Variants in SMARCA2 observed in about 807,000 individuals in gnomAD.
SMARCA2 encodes SWI/SNF related BAF chromatin remodeling complex subunit ATPase 2.
Under a neutral mutation model 199.8 loss-of-function variants are expected in SMARCA2, and 61 were observed. That is an observed-to-expected ratio of 0.31 (90% CI 0.25 to 0.38). The LOEUF is 0.38. SMARCA2 is among the 10% of genes least tolerant of loss of function. The pLI, the probability that SMARCA2 is intolerant of heterozygous loss-of-function variation, is 1.00. For synonymous variants in SMARCA2, 935 were observed against 732.0 expected (o/e 1.28, Z -4.48); for missense variants, 1,344 against 2,012.2 (o/e 0.67, Z 6.35).
intron 27 of SMARCA2, chr9:2,157,683 G>C (rs1282981379): frequency 7.9e-6 from 3 of 380,958 alleles, no homozygotes; most frequent in South Asian, 1.5e-4. Flanking sequence ...TGGTGGACTT[G>C]GAGAGGCGGA....
chr9:2,188,266 G>A (rs1827630978), intron 32 of SMARCA2, among the ~76,000 whole-genome samples: 2 of 152,062 alleles, frequency 1.3e-5, no homozygotes, highest in East Asian at 1.9e-4. Context: ...TAATCAGGCT[G>A]TTTCCCAATA....
At chr9:2,101,545 T>G (rs10738570) in intron 21 of SMARCA2, 25 bp from the exon 22 acceptor site, 30 of 1,317,420 alleles carry the variant, frequency 2.3e-5, no homozygotes, top group East Asian at 2.4e-5. Context: ...TTTAAAATCA[T>G]TCTTTCTATC....
chr9:2,175,411 AATGC>A (rs1826515020), intron 29 of SMARCA2, among the ~76,000 whole-genome samples: 1 of 152,060 alleles, frequency 6.6e-6, no homozygotes, highest in South Asian at 2.1e-4. Context: ...ATCCTGAAGA[AATGC>A]ATAGAAACTG....
At chr9:2,083,108 ATTC>A (rs1821640488) in intron 15 of SMARCA2, among the ~76,000 whole-genome samples, 1 of 151,870 alleles carries the variant, frequency 6.6e-6, no homozygotes, top group African/African-American at 2.4e-5. Context: ...ATATTTATGT[ATTC>A]TTTAGTTTTT....
At position 2,119,575 on chromosome 9, in the gene SMARCA2, C is replaced by A. The variant is rs370927830; in HGVS notation, c.3762+40C>A. ...AATCATGAACACAAATGCTTTATAC[C>A]TCTGCCCCTTTTTCTGTTAAGCAGA... On this transcript the variant is annotated intron_variant, in intron 26 of 33. Coordinates refer to ENST00000349721, the MANE Select transcript of SMARCA2 (RefSeq NM_003070.5). The surrounding 1 kb of genome is among the most constrained non-coding windows in gnomAD (Gnocchi z 4.6). 2 of 1,356,630 alleles carry A rather than the reference C, an allele frequency of 1.5e-6. No homozygotes were observed. Among genetic ancestry groups the A allele is most frequent in the Non-Finnish European group, 2.1e-6 (2 of 947,330 alleles). 84.0% of individuals were successfully genotyped at this position (1,356,630 alleles called of 1,614,324 possible).
At chr9:2,168,653 A>C (rs1375160876) in intron 28 of SMARCA2, among the ~76,000 whole-genome samples, 1 of 152,232 alleles carries the variant, frequency 6.6e-6, no homozygotes, top group Non-Finnish European at 1.5e-5. Context: ...ACTGGCATTC[A>C]TACTGTCTTT....
At chr9:2,094,432 G>A (rs1822185956) in intron 19 of SMARCA2, among the ~76,000 whole-genome samples, 1 of 152,174 alleles carries the variant, frequency 6.6e-6, no homozygotes, top group South Asian at 2.1e-4. Flanking sequence ...TGACTCATAG[G>A]AAGGTGCTTG....
intron 18 of SMARCA2, among the ~76,000 whole-genome samples, chr9:2,087,828 A>G (rs961494064): frequency 2.0e-5 from 3 of 152,232 alleles, no homozygotes; most frequent in Non-Finnish European, 1.5e-5. Context: ...ACATGGGCCC[A>G]TCCTCAGTAG....
chr9:2,098,435 A>C (rs1822364504), intron 21 of SMARCA2, among the ~76,000 whole-genome samples: 1 of 152,210 alleles, frequency 6.6e-6, no homozygotes, highest in African/African-American at 2.4e-5. Context: ...ATGGCACACC[A>C]TATCCACATG....
chr9:2,063,563 C>G (rs1279112365), intron 9 of SMARCA2, among the ~76,000 whole-genome samples: 1 of 152,130 alleles, frequency 6.6e-6, no homozygotes, highest in Non-Finnish European at 1.5e-5. Flanking sequence ...TTGAGAAAAC[C>G]TACTTTACTC....
intron 9 of SMARCA2, among the ~76,000 whole-genome samples, chr9:2,062,844 G>C (rs1460748929): frequency 6.6e-6 from 1 of 152,160 alleles, no homozygotes; most frequent in African/African-American, 2.4e-5. Flanking sequence ...GGGAGAGAAA[G>C]AGAGGCTAGA....
chr9:2,089,995 T>A (rs1821982842), intron 19 of SMARCA2, among the ~76,000 whole-genome samples: 2 of 152,224 alleles, frequency 1.3e-5, no homozygotes. Context: ...TTCATTCACT[T>A]CTAAGACTGG....
At chr9:2,153,058 A>G (rs960440233) in intron 27 of SMARCA2, among the ~76,000 whole-genome samples, 1 of 152,044 alleles carries the variant, frequency 6.6e-6, no homozygotes, top group Non-Finnish European at 1.5e-5. Flanking sequence ...GCAAAAACAA[A>G]CAAACAACCA....
rs1821682167 is a variant in SMARCA2 at position 2,083,951 on chromosome 9, A to G, written c.2416-135A>G. ...TTTAGCCAAAACTTCCTCGTGTATAATAGATCAGTCTATGAGAATGTGTGT... is the reference window on the plus strand; with the variant it reads ...TTTAGCCAAAACTTCCTCGTGTATAGTAGATCAGTCTATGAGAATGTGTGT... On this transcript the variant is annotated intron_variant, in intron 16 of 33. Coordinates refer to ENST00000349721, the MANE Select transcript of SMARCA2 (RefSeq NM_003070.5). 7 of 576,616 alleles carry G rather than the reference A, an allele frequency of 1.2e-5. No individual in the cohort carries two copies. The South Asian group carries it at 1.3e-4, about 10-fold the overall frequency. 35.7% of individuals were successfully genotyped at this position (576,616 alleles called of 1,614,324 possible).
At chr9:2,088,742 C>G (rs1185297578) in intron 19 of SMARCA2, 129 bp downstream of exon 19, 1 of 682,518 alleles carries the variant, frequency 1.5e-6, no homozygotes, top group Non-Finnish European at 2.5e-6. Flanking sequence ...TTGAAAATAT[C>G]TTAAATTGTT....
intron 3 of SMARCA2, among the ~76,000 whole-genome samples, chr9:2,037,675 C>G (rs182438793): frequency 6.6e-6 from 1 of 152,116 alleles, no homozygotes. Flanking sequence ...TTCTTAGGTT[C>G]GGGCATGCAG....
chr9:2,117,730 A>C (rs1823273302), intron 25 of SMARCA2, among the ~76,000 whole-genome samples: 1 of 152,210 alleles, frequency 6.6e-6, no homozygotes, highest in African/African-American at 2.4e-5. Flanking sequence ...GAGGGCTGCC[A>C]GGTGGGGCCT....
In SMARCA2 at chr9:2,086,671, G is replaced by T. The variant is rs185404643; in HGVS notation, c.2527-158G>T. Among the ~76,000 whole-genome samples the T allele has an allele frequency of 2.0e-5, 3 of 152,156 alleles. No homozygotes were observed. The highest frequency in any genetic ancestry group is 6.5e-5 in the Admixed American group (1 of 15,278). On this transcript the variant is annotated intron_variant, in intron 17 of 33. Coordinates refer to ENST00000349721, the MANE Select transcript of SMARCA2 (RefSeq NM_003070.5). This position sits in a 1 kb window ranked among gnomAD's most constrained non-coding sequence, Gnocchi z 4.3. ...TAGGATGTCTTATGCGGCCTATCAG[G>T]CATGAGACATTGTTGAGATTCCCTT...
At position 2,016,670 on chromosome 9, in the gene SMARCA2, G is replaced by C. The variant is rs1563706731; in HGVS notation, c.-37+1266G>C. On this transcript the variant is annotated intron_variant, in intron 1 of 33. Transcript: ENST00000349721. This position sits in a 1 kb window ranked among gnomAD's most constrained non-coding sequence, Gnocchi z 5.6. Reference sequence around the variant, plus strand: ...GAAGGGGAAGGGCTGCGGTGGGGAGGGAATAGGGGGGTGGCGAGGGCGGGA... The same window carrying C: ...GAAGGGGAAGGGCTGCGGTGGGGAGCGAATAGGGGGGTGGCGAGGGCGGGA... 7.1e-6 allele frequency among the ~76,000 whole-genome samples: 1 copy of C among 140,756 alleles called. No individual in the cohort carries two copies. Among genetic ancestry groups the C allele is most frequent in the South Asian group, 2.6e-4 (1 of 3,806 alleles). The allele number at this position is 140,756 out of a possible 152,430, so 92.3% of individuals were successfully genotyped here.
Sources: allele counts gnomAD v4.1 joint callset (sites outside exome capture counted in the v4.1 genomes callset), GRCh38; gene constraint gnomAD v4.1.1; non-coding constraint Gnocchi (gnomAD v3.1); transcripts MANE v1.5; gene names NCBI Gene and HGNC (gene_info 2026-07-23, HGNC 2026-07-21).